PGR: variants seen among roughly 807,000 people sequenced by gnomAD.
PGR encodes nuclear receptor subfamily 3 group C member 3.
Under a neutral mutation model 76.1 loss-of-function variants are expected in PGR, and 25 were observed. That is an observed-to-expected ratio of 0.33 (90% CI 0.24 to 0.46). The LOEUF (loss-of-function observed/expected upper bound fraction) is 0.46. PGR is among the 20% of genes least tolerant of loss of function. The probability of loss-of-function intolerance (pLI) is 1.00; values close to 1 mark genes in which losing one functional copy is unlikely to be tolerated. For synonymous variants in PGR, 579 were observed against 535.0 expected, an observed-to-expected ratio of 1.08 and a Z score of -1.14; for missense variants, 1,172 against 1,225.3, an observed-to-expected ratio of 0.96 and a Z score of 0.65.
intron 3 of PGR, among the ~76,000 whole-genome samples, chr11:101,069,719 T>C (rs561120278): frequency 5.5e-4 from 83 of 152,134 alleles, no homozygotes; most frequent in Non-Finnish European, 8.7e-4. Flanking sequence ...GGGACATGGA[T>C]GAAGCTGGAA....
intron 4 of PGR, among the ~76,000 whole-genome samples, chr11:101,058,061 C>T (rs1034419157): frequency 1.2e-4 from 19 of 152,028 alleles, no homozygotes; most frequent in Admixed American, 3.9e-4. Context: ...ACACAGGAGT[C>T]GGGAAATGTA....
intron 3 of PGR, among the ~76,000 whole-genome samples, chr11:101,071,567 C>T (rs899692611): frequency 6.6e-6 from 1 of 151,744 alleles, no homozygotes; most frequent in South Asian, 2.1e-4. Context: ...TGCAAGGAAG[C>T]TAAGAACCTT....
Position 101,128,172 on chromosome 11 carries a change from A to G in PGR, c.899T>C (p.Val300Ala), listed in dbSNP as rs765476482. ...GATAGGCACGTGGATGAAATCCATC[A>G]CCGTGGTGGCCAGCGGGGAGCGCCC... Reference protein sequence around the residue: ...APGRSPLATTVMDFIHVPILP... With the variant: ...APGRSPLATTAMDFIHVPILP... Residue 300 changes from valine (V) to alanine (A), a missense_variant, in exon 1 of 8, where the codon GTG (valine) becomes GCG (alanine). Val to Ala is a moderately conservative substitution (Grantham distance 64). Coordinates refer to ENST00000325455, the MANE Select transcript of PGR (RefSeq NM_000926.4). The G allele has an allele frequency of 4.4e-6, 7 of 1,598,326 alleles. No individual in the cohort carries two copies. In the South Asian group the frequency reaches 4.4e-5, roughly 10 times the overall value.
intron 2 of PGR, among the ~76,000 whole-genome samples, chr11:101,109,669 C>T (rs1862283577): frequency 1.3e-5 from 2 of 152,206 alleles, no homozygotes; most frequent in Non-Finnish European, 2.9e-5. Context: ...CAAGGTGAAG[C>T]AGCAAGTGCT....
At chr11:101,057,453 G>A (rs1229421376) in intron 4 of PGR, among the ~76,000 whole-genome samples, 2 of 152,110 alleles carry the variant, frequency 1.3e-5, no homozygotes, top group African/African-American at 4.8e-5. Context: ...TGGATATTGA[G>A]GCCATGGAGT....
chr11:101,051,267 CAA>C (rs1211870362), intron 5 of PGR, among the ~76,000 whole-genome samples, 155 bp downstream of exon 5: 1 of 151,890 alleles, frequency 6.6e-6, no homozygotes, highest in African/African-American at 2.4e-5. Flanking sequence ...TATTTTGAAA[CAA>C]GAGGAAAAAG....
chr11:101,127,423 C>G lies in PGR; in HGVS notation c.1637+11G>C, dbSNP rs1310217856. Reference sequence around the variant, plus strand: ...CGGACGCGCTGGGCGTGCCCCGTCCCGGGCCCTCACCTCAGGTAGTTGAGA... The same window carrying G: ...CGGACGCGCTGGGCGTGCCCCGTCCGGGGCCCTCACCTCAGGTAGTTGAGA... On this transcript the variant is annotated intron_variant, in intron 1 of 7. Coordinates refer to ENST00000325455, the MANE Select transcript of PGR (RefSeq NM_000926.4). The G allele has an allele frequency of 1.6e-5, 24 of 1,532,712 alleles. No individual in the cohort carries two copies. The highest frequency in any genetic ancestry group is 2.1e-5 in the Non-Finnish European group (24 of 1,140,160). The allele number at this position is 1,532,712 out of a possible 1,614,324, so 94.9% of individuals were successfully genotyped here.
Position 101,088,002 on chromosome 11 carries a change from G to A in PGR, c.1906+3758C>T, listed in dbSNP as rs138428852. ...GCCCAGAAGTTTGAGACCTGACTGG[G>A]TAACAAAGTGAGACCTTATCGTTAC... is the stretch of plus-strand genomic sequence containing the variant. On this transcript the variant is annotated intron_variant, in intron 3 of 7. Transcript: ENST00000325455. Among the ~76,000 whole-genome samples the A allele has an allele frequency of 7.3e-3, 1,109 of 151,820 alleles. 16 individuals are homozygous for A. The highest frequency in any genetic ancestry group is 0.025 in the African/African-American group (1,040 of 41,364).
Position 101,035,682 on chromosome 11 carries a change from G to A in PGR, c.*3434C>T, listed in dbSNP as rs1193249198. 4.3e-6 allele frequency: 1 copy of A among 231,292 alleles called. No homozygotes were observed. Among genetic ancestry groups the A allele is most frequent in the Non-Finnish European group, 8.6e-6 (1 of 116,870 alleles). The allele number at this position is 231,292 out of a possible 1,614,324, so 14.3% of individuals were successfully genotyped here. On this transcript the variant is annotated 3_prime_UTR_variant, in exon 8 of 8. Coordinates refer to ENST00000325455, the MANE Select transcript of PGR (RefSeq NM_000926.4). ...TCATTATTTTAAAATGTCTACAATGGAAGAGTGATAGGCTCTTTAGAACTT... is the reference window on the plus strand; with the variant it reads ...TCATTATTTTAAAATGTCTACAATGAAAGAGTGATAGGCTCTTTAGAACTT...
In PGR at chr11:101,036,051, T is replaced by A. The variant is rs1449829485; in HGVS notation, c.*3065A>T. ...CAGTTAAATGACTTGCTTAATCTCA[T>A]CCAGCTAGTAAGTGGCAGAGAAGGG... is the stretch of plus-strand genomic sequence containing the variant. On this transcript the variant is annotated 3_prime_UTR_variant, in exon 8 of 8. Coordinates refer to ENST00000325455, the MANE Select transcript of PGR (RefSeq NM_000926.4). 4.5e-6 allele frequency: 1 copy of A among 223,472 alleles called. No homozygotes were observed. Among genetic ancestry groups the A allele is most frequent in the Non-Finnish European group, 8.9e-6 (1 of 112,124 alleles). The allele number at this position is 223,472 out of a possible 1,614,324, so 13.8% of individuals were successfully genotyped here. A position where few individuals can be genotyped will look rare whatever the true frequency, so the allele number is the denominator to read the frequency against.
chr11:101,036,566 G>T lies in PGR; in HGVS notation c.*2550C>A, dbSNP rs1320670837. On this transcript the variant is annotated 3_prime_UTR_variant, in exon 8 of 8. Transcript: ENST00000325455. ...CTAAATAGTAATGGAGACATTAGTA[G>T]ATAGGACTTTGTAGAGAAAAAGATT... 1 of 197,068 alleles carries T rather than the reference G, an allele frequency of 5.1e-6. No homozygotes were observed. The highest frequency in any genetic ancestry group is 7.9e-5 in the East Asian group (1 of 12,608). 12.2% of individuals were successfully genotyped at this position (197,068 alleles called of 1,614,324 possible). A position where few individuals can be genotyped will look rare whatever the true frequency, so the allele number is the denominator to read the frequency against.
In PGR at chr11:101,127,870, G is replaced by A; in HGVS notation, c.1201C>T (p.Pro401Ser). Residue 401 changes from proline to serine, a missense_variant, in exon 1 of 8, where the codon CCG becomes TCG. Physicochemically the swap from Pro to Ser is moderately conservative, Grantham distance 74. Coordinates refer to ENST00000325455, the MANE Select transcript of PGR (RefSeq NM_000926.4). ...EEGAEASARSPRSYLVAGANP... is the reference protein window; with the variant it reads ...EEGAEASARSSRSYLVAGANP... Reference sequence around the variant, plus strand: ...GCACCGGCCACAAGGTAGGAACGCGGGGAGCGCGCGGAGGCCTCCGCGCCT... The same window carrying A: ...GCACCGGCCACAAGGTAGGAACGCGAGGAGCGCGCGGAGGCCTCCGCGCCT... The A allele has an allele frequency of 6.2e-7, 1 of 1,601,276 alleles. No homozygotes were observed.
intron 2 of PGR, among the ~76,000 whole-genome samples, chr11:101,106,606 C>T (rs979264841): frequency 2.0e-5 from 3 of 152,162 alleles, no homozygotes; most frequent in Non-Finnish European, 4.4e-5. Flanking sequence ...AAAGCTTTTA[C>T]ACTGTTGGTG....
intron 4 of PGR, among the ~76,000 whole-genome samples, chr11:101,052,709 A>C (rs73571728): frequency 0.015 from 2,256 of 152,228 alleles, 60 homozygotes; most frequent in African/African-American, 0.052. Context: ...GAGATGATAA[A>C]AGCCTGAAGT....
Position 101,129,033 on chromosome 11 carries a change from TG to T in PGR, c.37del (p.His13ThrfsTer153). On this transcript the variant is annotated frameshift_variant, in exon 1 of 8. Coordinates refer to ENST00000325455, the MANE Select transcript of PGR (RefSeq NM_000926.4). LOFTEE classifies it high-confidence loss of function. ...ELKAKGPRAP[H>X]VAGGPPSPEV... is the part of the protein sequence containing the mutation. ...GGGGGAGGGCGGGCCGCCCGCCACG[TG>T]GGGAGCCCGGGGACCCTTTGCCTTC... The T allele has an allele frequency of 1.3e-6, 2 of 1,566,012 alleles. No individual in the cohort carries two copies. Among genetic ancestry groups the T allele is most frequent in the Non-Finnish European group, 1.7e-6 (2 of 1,156,100 alleles).
chr11:101,125,429 T>A (rs951416564), intron 2 of PGR, among the ~76,000 whole-genome samples: 1 of 152,222 alleles, frequency 6.6e-6, no homozygotes, highest in Admixed American at 6.5e-5. Context: ...TGTCCTCTTA[T>A]ACACTTACAA....
chr11:101,069,284 G>T (rs1860832051), intron 3 of PGR, among the ~76,000 whole-genome samples: 1 of 152,174 alleles, frequency 6.6e-6, no homozygotes, highest in Non-Finnish European at 1.5e-5. Flanking sequence ...GGTCATGAGA[G>T]AAATGCAAAT....
In PGR at chr11:101,091,847, T is replaced by C. The variant is rs1396735489; in HGVS notation, c.1819A>G (p.Asn607Asp). The C allele has an allele frequency of 5.6e-6, 9 of 1,608,746 alleles. No homozygotes were observed. Among genetic ancestry groups the C allele is most frequent in the Non-Finnish European group, 7.7e-6 (9 of 1,175,176 alleles). ...CGGATTTTATCAACGATGCAGTCAT[T>C]TCTTCCAGCACATAAGTAGTTGTGC... Reference protein sequence around the residue: ...GQHNYLCAGRNDCIVDKIRRK... With the variant: ...GQHNYLCAGRDDCIVDKIRRK... Residue 607 changes from asparagine (N) to aspartate (D), a missense_variant, in exon 3 of 8, where the codon AAT (asparagine) becomes GAT (aspartate). Asn to Asp is a conservative substitution (Grantham distance 23). Coordinates refer to ENST00000325455, the MANE Select transcript of PGR (RefSeq NM_000926.4).
chr11:101,050,080 C>A, intron 5 of PGR, 21 bp from the exon 6 acceptor site: 2 of 1,610,668 alleles, frequency 1.2e-6, no homozygotes, highest in Non-Finnish European at 1.7e-6. Context: ...ACACAATACA[C>A]AAAAGAAAAA....
Sources: allele counts gnomAD v4.1 joint callset (sites outside exome capture counted in the v4.1 genomes callset), GRCh38; gene constraint gnomAD v4.1.1; transcripts MANE v1.5; gene names NCBI Gene and HGNC (gene_info 2026-07-23, HGNC 2026-07-21).